TMLHE: variants seen among roughly 807,000 people sequenced by gnomAD.
TMLHE encodes trimethyllysine hydroxylase, epsilon, also known as trimethyllysine dioxygenase, mitochondrial.
A neutral mutation model predicts 25.7 loss-of-function variants in TMLHE; 18 were observed. That is an observed-to-expected ratio of 0.70 (90% CI 0.48 to 1.04). The LOEUF (loss-of-function observed/expected upper bound fraction) is 1.04. TMLHE is among the 50% of genes least tolerant of loss of function. TMLHE has a pLI of 0.00. For synonymous variants in TMLHE, 105 were observed against 97.0 expected (o/e 1.08, Z -0.49); for missense variants, 236 against 259.0 (o/e 0.91, Z 0.61).
At chrX:155,524,105 G>A (rs1487495912) in intron 3 of TMLHE, among the ~76,000 whole-genome samples, 1 of 111,283 alleles carries the variant, frequency 9.0e-6, no homozygotes, top group Non-Finnish European at 1.9e-5. Flanking sequence ...AGAGTTTTAT[G>A]TATGAATTTT....
intron 1 of TMLHE, among the ~76,000 whole-genome samples, chrX:155,554,980 T>TCAACTCATCATTTACATAATCC (rs2067439588): frequency 9.3e-6 from 1 of 107,277 alleles, no homozygotes; most frequent in East Asian, 2.9e-4. Flanking sequence ...TTGCTGCATC[T>TCAACTCATCATTTACATAATCC]GTCAACTCAT....
chrX:155,525,585 G>A (rs1196248491), intron 2 of TMLHE, among the ~76,000 whole-genome samples: 2 of 111,979 alleles, frequency 1.8e-5, no homozygotes, highest in Admixed American at 9.5e-5. Flanking sequence ...GCAGGGATTG[G>A]AACAGTTTGG....
At chrX:155,577,369 G>A (rs1292283699) in intron 1 of TMLHE, among the ~76,000 whole-genome samples, 1 of 110,901 alleles carries the variant, frequency 9.0e-6, no homozygotes, top group Admixed American at 9.6e-5. Flanking sequence ...CCTGAGCTCA[G>A]GAGTTTGAGA....
At chrX:155,610,722 C>A (rs2067814107) in intron 1 of TMLHE, among the ~76,000 whole-genome samples, 1 of 111,222 alleles carries the variant, frequency 9.0e-6, no homozygotes, top group South Asian at 3.8e-4. Flanking sequence ...TTGGAGTAGT[C>A]ATGGGACAAA....
At chrX:155,541,300 G>T (rs782094894) in intron 2 of TMLHE, among the ~76,000 whole-genome samples, 1 of 111,042 alleles carries the variant, frequency 9.0e-6, no homozygotes, top group East Asian at 2.8e-4. Context: ...GCGATGTTTG[G>T]TTTTCTATTC....
intron 6 of TMLHE, among the ~76,000 whole-genome samples, chrX:155,505,690 T>C (rs1557332580): frequency 9.0e-6 from 1 of 111,475 alleles, no homozygotes; most frequent in African/African-American, 3.3e-5. Context: ...CTAGTACTTA[T>C]CACAATTTGA....
At chrX:155,549,582 A>C (rs1483150424) in intron 1 of TMLHE, among the ~76,000 whole-genome samples, 1 of 110,400 alleles carries the variant, frequency 9.1e-6, no homozygotes, top group Non-Finnish European at 1.9e-5. Context: ...CCATTTGATT[A>C]TGATATATTA....
intron 1 of TMLHE, among the ~76,000 whole-genome samples, chrX:155,586,892 A>C (rs2067668197): frequency 8.9e-6 from 1 of 112,160 alleles, no homozygotes; most frequent in South Asian, 3.7e-4. Flanking sequence ...CCAAAGAAGA[A>C]AGCTCAGGAC....
intron 1 of TMLHE, among the ~76,000 whole-genome samples, chrX:155,558,827 A>G (rs1557341265): frequency 9.0e-6 from 1 of 111,728 alleles, no homozygotes; most frequent in East Asian, 2.8e-4. Context: ...TAAATGACTT[A>G]TTAGTCTTGC....
intron 1 of TMLHE, among the ~76,000 whole-genome samples, chrX:155,553,490 T>C (rs183881145): frequency 2.7e-5 from 3 of 110,017 alleles, no homozygotes; most frequent in African/African-American, 1.0e-4. Context: ...TATATCAGCT[T>C]TCTTTTGGGT....
At chrX:155,528,987 C>T (rs2067234998) in intron 2 of TMLHE, among the ~76,000 whole-genome samples, 1 of 111,807 alleles carries the variant, frequency 8.9e-6, no homozygotes, top group Non-Finnish European at 1.9e-5. Flanking sequence ...GTGGAAGAAT[C>T]GCTGAATAAA....
intron 6 of TMLHE, among the ~76,000 whole-genome samples, chrX:155,505,371 C>A (rs1175516131): frequency 9.0e-6 from 1 of 111,665 alleles, no homozygotes; most frequent in Non-Finnish European, 1.9e-5. Context: ...CCCAGAGGAA[C>A]TTATCCAAGG....
chrX:155,524,714 G>C (rs2067208928), intron 2 of TMLHE, 82 bp from the exon 3 acceptor site: 2 of 948,260 alleles, frequency 2.1e-6, no homozygotes, highest in Non-Finnish European at 2.8e-6. Flanking sequence ...CCTTCTAAAA[G>C]TCTTCTACCA....
chrX:155,585,695 A>C (rs1422726626), intron 1 of TMLHE, among the ~76,000 whole-genome samples: 9 of 111,595 alleles, frequency 8.1e-5, no homozygotes, highest in Non-Finnish European at 1.7e-4. Context: ...TAAACTGGTA[A>C]ACTGATCCTT....
chrX:155,546,514 CTG>C (rs1243176864), intron 1 of TMLHE, among the ~76,000 whole-genome samples: 1 of 110,245 alleles, frequency 9.1e-6, no homozygotes, highest in Non-Finnish European at 1.9e-5. Flanking sequence ...TGGTGAGTGC[CTG>C]TGTGTGTGTG....
chrX:155,597,805 A>G (rs2067731316), intron 1 of TMLHE, among the ~76,000 whole-genome samples: 1 of 110,613 alleles, frequency 9.0e-6, no homozygotes, highest in South Asian at 3.9e-4. Context: ...AAATATTCCA[A>G]AAAAAACAAT....
chrX:155,580,544 G>C (rs1316767067), intron 1 of TMLHE, among the ~76,000 whole-genome samples: 1 of 112,174 alleles, frequency 8.9e-6, no homozygotes, highest in Admixed American at 9.4e-5. Flanking sequence ...GTTTATTGCA[G>C]CACTATATTA....
chrX:155,557,526 C>T (rs1435005798), intron 1 of TMLHE, among the ~76,000 whole-genome samples: 1 of 112,031 alleles, frequency 8.9e-6, no homozygotes, highest in East Asian at 2.8e-4. Flanking sequence ...CTCATCATCA[C>T]GTCTTCAAAT....
rs1415685969 is a variant in TMLHE at position 155,571,046 on chromosome X, C to A, written c.-1-25769G>T. 3.5e-5 allele frequency among the ~76,000 whole-genome samples: 2 copies of A among 56,717 alleles called. 1 individual carries two copies. Among genetic ancestry groups the A allele is most frequent in the Non-Finnish European group, 9.2e-5 (2 of 21,828 alleles). 49.3% of individuals were successfully genotyped at this position (56,717 alleles called of 115,157 possible). On this transcript the variant is annotated intron_variant, in intron 1 of 7. Coordinates refer to ENST00000334398, the MANE Select transcript of TMLHE (RefSeq NM_018196.4). ...TTCAAAAAATTAATGAATCCAGGAG[C>A]TGGTTTTTTGAAAGGATCAACAAAA...
Sources: allele counts gnomAD v4.1 joint callset (sites outside exome capture counted in the v4.1 genomes callset), GRCh38; gene constraint gnomAD v4.1.1; transcripts MANE v1.5; gene names NCBI Gene and HGNC (gene_info 2026-07-23, HGNC 2026-07-21).